EPS8L3: variants seen among roughly 807,000 people sequenced by gnomAD.
EPS8L3 encodes epidermal growth factor receptor kinase substrate 8-like protein 3.
Under a neutral mutation model 88.5 loss-of-function variants are expected in EPS8L3, and 80 were observed. That is an observed-to-expected ratio of 0.90 (90% confidence interval 0.75 to 1.09). The LOEUF (loss-of-function observed/expected upper bound fraction) is 1.09, where lower values mean the gene tolerates loss of function less well. EPS8L3 is among the 50% of genes least tolerant of loss of function. EPS8L3 has a pLI of 0.00. For synonymous variants in EPS8L3, 286 were observed against 291.0 expected, an observed-to-expected ratio of 0.98 and a Z score of 0.18; for missense variants, 721 against 735.2, an observed-to-expected ratio of 0.98 and a Z score of 0.22.
chr1:109,755,661 G>A (rs1329929744), intron 12 of EPS8L3, among the ~76,000 whole-genome samples: 1 of 152,096 alleles, frequency 6.6e-6, no homozygotes, highest in African/African-American at 2.4e-5. Flanking sequence ...ACAAAAAATA[G>A]CCAGACATGG....
In EPS8L3 at chr1:109,757,005, G is replaced by C; in HGVS notation, c.1118+12C>G. The stretch of plus-strand genomic sequence containing the variant: ...TCACCCCCGATTCAGTTCAGGCTTT[G>C]TCTTCACTCACCGGCTAGTGGTCCA... On this transcript the variant is annotated intron_variant, in intron 12 of 18. Coordinates refer to ENST00000361965, the MANE Select transcript of EPS8L3 (RefSeq NM_133181.4). The C allele has an allele frequency of 6.2e-7, 1 of 1,614,162 alleles. No homozygotes were observed. The highest frequency in any genetic ancestry group is 1.1e-5 in the South Asian group (1 of 91,082).
intron 10 of EPS8L3, 82 bp from the exon 11 acceptor site, chr1:109,757,637 G>A: frequency 6.9e-7 from 1 of 1,446,486 alleles, no homozygotes; most frequent in Non-Finnish European, 9.6e-7. Flanking sequence ...TTATGCCTTG[G>A]CTGGAAGGCT....
Position 109,759,288 on chromosome 1 carries a change from G to A in EPS8L3, c.355C>T (p.Pro119Ser), listed in dbSNP as rs1302037131. The change falls in exon 5 of 19, where the codon CCG becomes TCG. Residue 119 changes from proline (P) to serine (S), a missense_variant. By Grantham distance (74) the Pro-to-Ser change is moderately conservative (BLOSUM62 -1). Transcript: ENST00000361965. The surrounding 1 kb of genome is among the most constrained non-coding windows in gnomAD (Gnocchi z 4.2). ...NSILSITVQE[P>S]GLPGTSTLLF... ...AGAGTGCTAGTGCCTGGCAGGCCCGGCTCCTGCACGGTGATGGACAGGATG... is the reference window on the plus strand; with the variant it reads ...AGAGTGCTAGTGCCTGGCAGGCCCGACTCCTGCACGGTGATGGACAGGATG... The A allele has an allele frequency of 6.2e-7, 1 of 1,614,146 alleles. No homozygotes were observed. The highest frequency in any genetic ancestry group is 1.1e-5 in the South Asian group (1 of 91,088).
In EPS8L3 at chr1:109,759,701, G is replaced by A; in HGVS notation, c.232C>T (p.Gln78Ter). Reference protein sequence around the residue: ...LILQVRDGWLQLLDIETKEEL... With the variant: ...LILQVRDGWL ...ACCTTGGTCTCAATGTCCAGCAGCT[G>A]CAGCCAGCCGTCCCTGACCTGCAGG... Residue 78 changes from glutamine to a stop codon, truncating the protein, a stop_gained, in exon 4 of 19, where the codon CAG (glutamine) becomes TAG (stop). Coordinates refer to ENST00000361965, the MANE Select transcript of EPS8L3 (RefSeq NM_133181.4). LOFTEE classifies it high-confidence loss of function. The surrounding 1 kb of genome is among the most constrained non-coding windows in gnomAD (Gnocchi z 4.2). 6.2e-7 allele frequency: 1 copy of A among 1,613,868 alleles called. No homozygotes were observed. Among genetic ancestry groups the A allele is most frequent in the Non-Finnish European group, 8.5e-7 (1 of 1,179,988 alleles).
chr1:109,752,073 G>A lies in EPS8L3; in HGVS notation c.1356C>T (p.Ala452=), dbSNP rs2101404905. 1 of 1,614,118 alleles carries A rather than the reference G, an allele frequency of 6.2e-7. No individual in the cohort carries two copies. Among genetic ancestry groups the A allele is most frequent in the Non-Finnish European group, 8.5e-7 (1 of 1,180,022 alleles). ...ACTCGTACAAGACTTGCATTTTCAG[G>A]GCTGGCTGGGCAGGTTTGGGGCTGG... ...RPSSPKPAQP[A]LKMQVLYEFE... is the part of the protein sequence containing the mutation. The change falls in exon 15 of 19, where the codon GCC becomes GCT. Residue 452 remains alanine, a synonymous_variant. Transcript: ENST00000361965.
intron 17 of EPS8L3, 83 bp from the exon 18 acceptor site, chr1:109,750,875 G>A: frequency 6.5e-7 from 1 of 1,538,616 alleles, no homozygotes; most frequent in East Asian, 2.3e-5. Flanking sequence ...AGGGCTCTTT[G>A]GGCTCGGAGG....
intron 1 of EPS8L3, 129 bp from the exon 2 acceptor site, chr1:109,761,902 A>G (rs368479978): frequency 2.9e-4 from 223 of 760,636 alleles, no homozygotes; most frequent in Middle Eastern, 2.2e-3. Flanking sequence ...CCCTGGCTCC[A>G]GGGGCCCTTT....
chr1:109,763,115 A>T (rs975511348), intron 1 of EPS8L3, among the ~76,000 whole-genome samples: 1 of 152,212 alleles, frequency 6.6e-6, no homozygotes, highest in African/African-American at 2.4e-5. Flanking sequence ...CTGTTGTGAA[A>T]ATGACGTAGG....
intron 3 of EPS8L3, chr1:109,761,226 T>C: frequency 1.4e-5 from 6 of 432,170 alleles, no homozygotes; most frequent in Non-Finnish European, 2.1e-5. Flanking sequence ...ATCCTGCTGC[T>C]ACTTCTTCCT....
In EPS8L3 at chr1:109,751,337, T is replaced by C; in HGVS notation, c.1578A>G (p.Arg526=). The C allele has an allele frequency of 6.2e-7, 1 of 1,613,698 alleles. No individual in the cohort carries two copies. The change falls in exon 17 of 19, where the codon CGA becomes CGG. Residue 526 remains arginine (R), a synonymous_variant. Transcript: ENST00000361965. ...TGACCTCTTCAGGCCTCGAGCTAAGTCGAAGCATTGGAACCTAGAATCAGG... is the reference window on the plus strand; with the variant it reads ...TGACCTCTTCAGGCCTCGAGCTAAGCCGAAGCATTGGAACCTAGAATCAGG... ...GQSPSRVPML[R]LSSRPEEVTD...
chr1:109,753,530 G>C (rs1238049594), intron 12 of EPS8L3, among the ~76,000 whole-genome samples: 1 of 152,150 alleles, frequency 6.6e-6, no homozygotes, highest in Non-Finnish European at 1.5e-5. Flanking sequence ...AGAGCTTTTG[G>C]GCTGGCCAAC....
At position 109,758,069 on chromosome 1, in the gene EPS8L3, A is replaced by C. The variant is rs776026522; in HGVS notation, c.718-11T>G. 6.2e-6 allele frequency: 10 copies of C among 1,611,980 alleles called. No homozygotes were observed. Among genetic ancestry groups the C allele is most frequent in the Non-Finnish European group, 8.5e-6 (10 of 1,178,740 alleles). On this transcript the variant is annotated splice_polypyrimidine_tract_variant and intron_variant, in intron 8 of 18. Transcript: ENST00000361965. Reference sequence around the variant, plus strand: ...ATGGTTCAGCACTTCCTGGGCCCCAAACAACCCATGGCCTTGAACGGGCAG... The same window carrying C: ...ATGGTTCAGCACTTCCTGGGCCCCACACAACCCATGGCCTTGAACGGGCAG...
intron 1 of EPS8L3, among the ~76,000 whole-genome samples, chr1:109,762,665 G>A (rs557129637): frequency 1.2e-4 from 19 of 152,254 alleles, no homozygotes; most frequent in East Asian, 1.2e-3. Flanking sequence ...TTCTAACGGC[G>A]TTACCTTCAG....
rs761014578 is a variant in EPS8L3, at chr1:109,758,432, C to G, written c.602-1G>C. On this transcript the variant is annotated splice_acceptor_variant, in intron 7 of 18. Coordinates refer to ENST00000361965, the MANE Select transcript of EPS8L3 (RefSeq NM_133181.4). LOFTEE classifies it high-confidence loss of function. Reference sequence around the variant, plus strand: ...AGGGGCCTTGGGGATGGTGGGAGGCCTGCAGTGTAAGGGGACCATGGACCT... The same window carrying G: ...AGGGGCCTTGGGGATGGTGGGAGGCGTGCAGTGTAAGGGGACCATGGACCT... 1 of 1,601,268 alleles carries G rather than the reference C, an allele frequency of 6.2e-7. No homozygotes were observed. Among genetic ancestry groups the G allele is most frequent in the East Asian group, 2.2e-5 (1 of 44,746 alleles).
intron 1 of EPS8L3, 103 bp from the exon 2 acceptor site, chr1:109,761,876 G>C: frequency 2.9e-6 from 3 of 1,022,510 alleles, no homozygotes; most frequent in Non-Finnish European, 4.5e-6. Context: ...GGGGCCTCTG[G>C]GACCAGACCC....
intron 3 of EPS8L3, 75 bp downstream of exon 3, chr1:109,761,420 T>A (rs1650926548): frequency 7.4e-7 from 1 of 1,342,450 alleles, no homozygotes; most frequent in South Asian, 1.3e-5. Context: ...AGTGTCCATG[T>A]TCTGGCAGGG....
Position 109,757,924 on chromosome 1 carries a change from C to T in EPS8L3, c.832+20G>A, listed in dbSNP as rs772702876. 15 of 1,613,660 alleles carry T rather than the reference C, an allele frequency of 9.3e-6. No individual in the cohort carries two copies. The highest frequency in any genetic ancestry group is 5.0e-5 in the Admixed American group (3 of 60,008). On this transcript the variant is annotated intron_variant, in intron 9 of 18. Transcript: ENST00000361965. The stretch of plus-strand genomic sequence containing the variant: ...ACCCTGAGACACCCCTACTCCTCTT[C>T]CCTGGCCCTCAGTACTCACCTCCCT...
At chr1:109,751,210 C>A in intron 17 of EPS8L3, 68 bp downstream of exon 17, 1 of 1,406,234 alleles carries the variant, frequency 7.1e-7, no homozygotes. Flanking sequence ...TGTTCTGGGT[C>A]TCTGGGTTTC....
intron 12 of EPS8L3, among the ~76,000 whole-genome samples, chr1:109,755,642 A>C (rs182005887): frequency 6.6e-5 from 10 of 151,948 alleles, no homozygotes; most frequent in African/African-American, 2.2e-4. Flanking sequence ...CCATCTCTAC[A>C]AAAAAAATAC....
Sources: allele counts gnomAD v4.1 joint callset (sites outside exome capture counted in the v4.1 genomes callset), GRCh38; gene constraint gnomAD v4.1.1; non-coding constraint Gnocchi (gnomAD v3.1); transcripts MANE v1.5; gene names NCBI Gene and HGNC (gene_info 2026-07-23, HGNC 2026-07-21).